TGFB1: variants seen among roughly 807,000 people sequenced by gnomAD.
TGFB1 encodes the protein transforming growth factor beta-1 proprotein.
In TGFB1, 19 loss-of-function variants were observed where a neutral mutation model predicts 43.8. The observed-to-expected ratio is 0.43, with a 90% CI of 0.30 to 0.64. The LOEUF is 0.64. TGFB1 is among the 30% of genes least tolerant of loss of function. TGFB1 has a pLI of 0.11. For missense variants in TGFB1, 445 were observed against 529.8 expected, an observed-to-expected ratio of 0.84 and a Z score of 1.57; for synonymous variants, 221 against 236.3, an observed-to-expected ratio of 0.94 and a Z score of 0.60.
At chr19:41,348,479 G>A (rs2038143444) in intron 1 of TGFB1, 24 bp from the exon 2 acceptor site, 1 of 1,610,198 alleles carries the variant, frequency 6.2e-7, no homozygotes, top group African/African-American at 1.3e-5. Flanking sequence ...ATGAAGGGAG[G>A]CGATCAGGGG....
chr19:41,341,636 C>T (rs2038057018), intron 5 of TGFB1, among the ~76,000 whole-genome samples: 1 of 152,056 alleles, frequency 6.6e-6, no homozygotes, highest in Non-Finnish European at 1.5e-5. Context: ...TCTCAAACTC[C>T]TCACTTCAGG....
At chr19:41,335,453 C>T (rs762502353) in intron 5 of TGFB1, among the ~76,000 whole-genome samples, 3 of 152,304 alleles carry the variant, frequency 2.0e-5, no homozygotes, top group East Asian at 3.9e-4. Flanking sequence ...CAGCTCTCCA[C>T]GTGAGCTCCC....
At chr19:41,336,095 A>G (rs1441323160) in intron 5 of TGFB1, among the ~76,000 whole-genome samples, 3 of 148,254 alleles carry the variant, frequency 2.0e-5, no homozygotes, top group Non-Finnish European at 3.0e-5. Flanking sequence ...TCCCAAGTTC[A>G]AGCAATTCTC....
Position 41,352,784 on chromosome 19 carries a change from C to G in TGFB1, c.261G>C (p.Arg87=). ...VLALYNSTRD[R]VAGESAEPEP... is the part of the protein sequence containing the mutation. Reference sequence around the variant, plus strand: ...CCGGTTCTGCACTCTCCCCGGCCACCCGGTCGCGGGTGCTGTTGTACAGGG... The same window carrying G: ...CCGGTTCTGCACTCTCCCCGGCCACGCGGTCGCGGGTGCTGTTGTACAGGG... The change falls in exon 1 of 7, where the codon CGG becomes CGC. Residue 87 remains arginine, a synonymous_variant. Transcript: ENST00000221930. 1 of 1,610,144 alleles carries G rather than the reference C, an allele frequency of 6.2e-7. No homozygotes were observed. Among genetic ancestry groups the G allele is most frequent in the East Asian group, 2.2e-5 (1 of 44,750 alleles).
intron 1 of TGFB1, among the ~76,000 whole-genome samples, chr19:41,351,729 T>C (rs533768357): frequency 9.9e-5 from 15 of 152,152 alleles, no homozygotes; most frequent in Admixed American, 2.6e-4. Context: ...CTCGGTCTTG[T>C]AGAGTCACCC....
chr19:41,341,228 A>AGGT (rs1365444894), intron 5 of TGFB1, among the ~76,000 whole-genome samples: 1 of 151,926 alleles, frequency 6.6e-6, no homozygotes, highest in Non-Finnish European at 1.5e-5. Flanking sequence ...GCACTTTGGG[A>AGGT]GGCTGAGGTG....
chr19:41,349,882 G>A (rs2038163184), intron 1 of TGFB1, among the ~76,000 whole-genome samples: 1 of 152,078 alleles, frequency 6.6e-6, no homozygotes. Context: ...TTTAATAGAT[G>A]AGAAACTGAG....
At position 41,331,137 on chromosome 19, in the gene TGFB1, G is replaced by T; in HGVS notation, c.1088C>A (p.Pro363Gln). The T allele has an allele frequency of 3.2e-6, 5 of 1,572,698 alleles. No homozygotes were observed. Among genetic ancestry groups the T allele is most frequent in the Non-Finnish European group, 3.4e-6 (4 of 1,161,278 alleles). ...GCCCACGTAGTACACGATGGGCAGC[G>T]GCTCCAGCGCCTGCGGCACGCAGCA... Reference protein sequence around the residue: ...APCCVPQALEPLPIVYYVGRK... With the variant: ...APCCVPQALEQLPIVYYVGRK... The change falls in exon 7 of 7, where the codon CCG becomes CAG. Residue 363 changes from proline to glutamine, a missense_variant. This residue lies in a region of TGFB1 where 56 missense variants were observed against 46.9 expected (regional missense o/e 1.19). Coordinates refer to ENST00000221930, the MANE Select transcript of TGFB1 (RefSeq NM_000660.7).
intron 1 of TGFB1, 130 bp from the exon 2 acceptor site, chr19:41,348,585 T>C: frequency 3.9e-6 from 1 of 256,606 alleles, no homozygotes; most frequent in Non-Finnish European, 6.7e-6. Context: ...TTTTATTTAT[T>C]TATTTATTTA....
chr19:41,333,434 C>T (rs556530583), intron 5 of TGFB1, among the ~76,000 whole-genome samples: 22 of 151,932 alleles, frequency 1.4e-4, no homozygotes, highest in Admixed American at 9.8e-4. Context: ...AGGCTGGTCT[C>T]GAACTCCTGA....
intron 5 of TGFB1, among the ~76,000 whole-genome samples, chr19:41,338,561 G>A (rs147216490): frequency 1.1e-4 from 16 of 151,276 alleles, no homozygotes; most frequent in African/African-American, 2.9e-4. Context: ...TTATTCGGCC[G>A]GGAGCAGTGG....
At chr19:41,331,317 C>G in intron 6 of TGFB1, 107 bp from the exon 7 acceptor site, 2 of 1,331,530 alleles carry the variant, frequency 1.5e-6, no homozygotes, top group Non-Finnish European at 2.0e-6. Context: ...CTCACTTCGT[C>G]TCTCCCCGCA....
intron 2 of TGFB1, among the ~76,000 whole-genome samples, chr19:41,347,738 GAATC>G (rs1264030780): frequency 6.7e-5 from 10 of 148,458 alleles, no homozygotes; most frequent in African/African-American, 7.4e-5. Context: ...TGAGGCAGGA[GAATC>G]ACTTGAACCC....
chr19:41,339,786 T>C (rs2038033200), intron 5 of TGFB1, among the ~76,000 whole-genome samples: 1 of 152,118 alleles, frequency 6.6e-6, no homozygotes. Context: ...ATCACGCCAC[T>C]GCACTCCAGC....
At chr19:41,336,258 A>G (rs558342918) in intron 5 of TGFB1, among the ~76,000 whole-genome samples, 1 of 152,176 alleles carries the variant, frequency 6.6e-6, no homozygotes, top group East Asian at 1.9e-4. Flanking sequence ...TCAGCCTTCC[A>G]AAGTGCTGGG....
intron 6 of TGFB1, among the ~76,000 whole-genome samples, chr19:41,331,651 C>T (rs1001856350): frequency 5.5e-5 from 8 of 144,558 alleles, no homozygotes; most frequent in African/African-American, 2.1e-4. Context: ...TGGGCTCAAG[C>T]GATCCTCCTG....
chr19:41,331,101 T>C lies in TGFB1; in HGVS notation c.1124A>G (p.Lys375Arg), dbSNP rs937001579. ...GATCATGTTGGACAGCTGCTCCACC[T>C]TGGGCTTGCGGCCCACGTAGTACAC... ...PIVYYVGRKP[K>R]VEQLSNMIVR... Residue 375 changes from lysine to arginine, a missense_variant, in exon 7 of 7, where the codon AAG (lysine) becomes AGG (arginine). Lys to Arg is a conservative substitution (Grantham distance 26, BLOSUM62 2). Coordinates refer to ENST00000221930, the MANE Select transcript of TGFB1 (RefSeq NM_000660.7). The C allele has an allele frequency of 1.3e-5, 20 of 1,589,834 alleles. No homozygotes were observed. Among genetic ancestry groups the C allele is most frequent in the Non-Finnish European group, 1.5e-5 (18 of 1,170,226 alleles).
intron 3 of TGFB1, among the ~76,000 whole-genome samples, chr19:41,343,903 C>G (rs1047239322): frequency 8.4e-6 from 1 of 118,922 alleles, no homozygotes; most frequent in Non-Finnish European, 1.8e-5. Flanking sequence ...CAATCATCTC[C>G]TGGACAGATC....
intron 1 of TGFB1, among the ~76,000 whole-genome samples, chr19:41,348,768 C>T (rs1018555404): frequency 7.3e-5 from 11 of 151,694 alleles, no homozygotes; most frequent in Non-Finnish European, 1.2e-4. Flanking sequence ...GGACTAAAGG[C>T]TCATGCCACC....
Sources: gnomAD v4.1 joint callset for allele counts (sites outside exome capture counted in the v4.1 genomes callset) on GRCh38, gnomAD v4.1.1 for gene constraint, gnomAD v4.1.1 regional missense constraint, MANE v1.5 for transcripts, NCBI Gene and HGNC (gene_info 2026-07-23, HGNC 2026-07-21) for gene names.